The following SNAP23 variants were observed in gnomAD, a reference collection of about 807,000 sequenced individuals.
The protein encoded by SNAP23 is synaptosomal-associated protein 23.
A neutral mutation model predicts 29.0 loss-of-function variants in SNAP23; 11 were observed. The ratio of observed to expected loss-of-function variants is 0.38; its 90% CI spans 0.24 to 0.63. The LOEUF (loss-of-function observed/expected upper bound fraction) is 0.63. Ranked by LOEUF, SNAP23 falls within the 20% of genes least tolerant of loss-of-function variation. The pLI is 0.58. For missense variants in SNAP23, 220 were observed against 253.9 expected (o/e 0.87, Z 0.91); for synonymous variants, 60 against 82.9 (o/e 0.72, Z 1.50).
chr15:42,508,019 G>A (rs1477671328), intron 1 of SNAP23, among the ~76,000 whole-genome samples: 1 of 152,090 alleles, frequency 6.6e-6, no homozygotes, highest in Non-Finnish European at 1.5e-5. Context: ...ACTTTGGGAG[G>A]CTGAGGTGGG....
intron 5 of SNAP23, 119 bp from the exon 6 acceptor site, chr15:42,528,143 C>CCG: frequency 1.6e-6 from 1 of 624,792 alleles, no homozygotes; most frequent in Non-Finnish European, 2.6e-6. Context: ...CTAGACTTAG[C>CCG]TGTATGCAGC....
chr15:42,493,354 C>CTATA (rs934870003), upstream of SNAP23, among the ~76,000 whole-genome samples: 102 of 147,282 alleles, frequency 6.9e-4, 1 homozygote, highest in Middle Eastern at 3.4e-3. Context: ...CTCTCTCTCT[C>CTATA]TATATATATA....
chr15:42,494,925 C>G (rs1324275404), upstream of SNAP23, among the ~76,000 whole-genome samples: 1 of 152,196 alleles, frequency 6.6e-6, no homozygotes, highest in African/African-American at 2.4e-5. Flanking sequence ...GCTTAAAACT[C>G]TTCAATAGCT....
rs924921787 is a variant in SNAP23, at chr15:42,525,225, G to A, written c.267-3037G>A. On this transcript the variant is annotated intron_variant, in intron 5 of 7. Transcript: ENST00000249647. The stretch of plus-strand genomic sequence containing the variant: ...CTACTAAAAATACAAAAAATTAGCC[G>A]GGCGTGGTGGCAGGCGCCTGTAGTC... Among the ~76,000 whole-genome samples, 10 of 151,646 alleles carry A rather than the reference G, an allele frequency of 6.6e-5. No homozygotes were observed. The East Asian group carries it at 1.2e-3, about 18-fold the overall frequency.
chr15:42,496,281 A>G (rs778977548), intron 1 of SNAP23, among the ~76,000 whole-genome samples: 8 of 152,200 alleles, frequency 5.3e-5, no homozygotes, highest in African/African-American at 4.8e-5. Context: ...ATGTTAGGAA[A>G]GGCAGTTGAT....
intron 7 of SNAP23, among the ~76,000 whole-genome samples, chr15:42,531,050 G>A (rs1297912598): frequency 1.3e-5 from 2 of 152,086 alleles, no homozygotes; most frequent in Admixed American, 1.3e-4. Flanking sequence ...CAGTTCAGAG[G>A]ACTCACACAA....
In SNAP23 at chr15:42,525,612, C is replaced by T. The variant is rs1469856920; in HGVS notation, c.267-2650C>T. ...CTGAGTTGCGGGGACTGCATTCGAG[C>T]GCCACCACACCCAGCTAAGTTTTGT... On this transcript the variant is annotated intron_variant, in intron 5 of 7. Coordinates refer to ENST00000249647, the MANE Select transcript of SNAP23 (RefSeq NM_003825.4). Among the ~76,000 whole-genome samples the T allele has an allele frequency of 2.6e-5, 4 of 151,040 alleles. No homozygotes were observed. The East Asian group carries it at 8.0e-4, about 30-fold the overall frequency.
intron 1 of SNAP23, among the ~76,000 whole-genome samples, chr15:42,504,640 G>A (rs2057302905): frequency 6.6e-6 from 1 of 152,144 alleles, no homozygotes; most frequent in Admixed American, 6.5e-5. Flanking sequence ...AGTACTTTGT[G>A]TAGATCATCT....
rs1199419775 is a variant in SNAP23 at position 42,514,674 on chromosome 15, G to A, written c.149-563G>A. On this transcript the variant is annotated intron_variant, in intron 4 of 7. Coordinates refer to ENST00000249647, the MANE Select transcript of SNAP23 (RefSeq NM_003825.4). Reference sequence around the variant, plus strand: ...TTGTAAGGATGATCTCTAAATAACCGTCCCTTGGTCCTACTATACAAGATT... The same window carrying A: ...TTGTAAGGATGATCTCTAAATAACCATCCCTTGGTCCTACTATACAAGATT... Among the ~76,000 whole-genome samples, 5 of 149,784 alleles carry A rather than the reference G, an allele frequency of 3.3e-5. No individual in the cohort carries two copies. In the East Asian group the frequency reaches 5.9e-4, roughly 18 times the overall value.
At chr15:42,493,874 T>C (rs2057193618), upstream of SNAP23, among the ~76,000 whole-genome samples, 1 of 152,084 alleles carries the variant, frequency 6.6e-6, no homozygotes, top group African/African-American at 2.4e-5. Context: ...TTACTAAACA[T>C]ACAGAAACAT....
intron 4 of SNAP23, among the ~76,000 whole-genome samples, chr15:42,514,738 T>C (rs2057384985): frequency 6.7e-6 from 1 of 149,296 alleles, no homozygotes; most frequent in African/African-American, 2.5e-5. Context: ...AGTCCCACTC[T>C]GTCATCCAGG....
At chr15:42,498,903 A>G (rs1237208943) in intron 1 of SNAP23, among the ~76,000 whole-genome samples, 1 of 152,166 alleles carries the variant, frequency 6.6e-6, no homozygotes, top group Admixed American at 6.5e-5. Context: ...AGGTGCTTGT[A>G]GTATGTGTTT....
intron 5 of SNAP23, among the ~76,000 whole-genome samples, chr15:42,523,755 T>C (rs1461766652): frequency 2.6e-5 from 4 of 152,162 alleles, no homozygotes; most frequent in Non-Finnish European, 5.9e-5. Flanking sequence ...ATGCCTAGGA[T>C]TGGGATTTAG....
At chr15:42,509,882 A>T (rs1041508224) in intron 1 of SNAP23, among the ~76,000 whole-genome samples, 1 of 152,092 alleles carries the variant, frequency 6.6e-6, no homozygotes, top group Non-Finnish European at 1.5e-5. Context: ...CAGCCTGGCC[A>T]ACATGGTGAA....
At chr15:42,515,089 C>G (rs888872088) in intron 4 of SNAP23, 148 bp from the exon 5 acceptor site, 1 of 578,314 alleles carries the variant, frequency 1.7e-6, no homozygotes, top group Non-Finnish European at 3.1e-6. Context: ...CATGTTGAAT[C>G]GCTTCTAATA....
chr15:42,493,506 G>A (rs1000685219), upstream of SNAP23, among the ~76,000 whole-genome samples: 12 of 152,108 alleles, frequency 7.9e-5, no homozygotes, highest in Admixed American at 7.9e-4. Context: ...GGACAAAATC[G>A]TCCCTGGTTG....
chr15:42,504,881 T>C (rs1167709747), intron 1 of SNAP23, among the ~76,000 whole-genome samples: 9 of 152,192 alleles, frequency 5.9e-5, no homozygotes, highest in Admixed American at 5.9e-4. Flanking sequence ...GGACGTAGAC[T>C]TCTATCAAGC....
intron 5 of SNAP23, among the ~76,000 whole-genome samples, chr15:42,521,254 GA>G (rs1343552046): frequency 2.6e-5 from 4 of 152,062 alleles, no homozygotes; most frequent in Non-Finnish European, 5.9e-5. Flanking sequence ...AAATATATAA[GA>G]AAATAAAATA....
chr15:42,496,996 TA>T (rs571737624), intron 1 of SNAP23, among the ~76,000 whole-genome samples: 34 of 151,816 alleles, frequency 2.2e-4, no homozygotes, highest in African/African-American at 8.0e-4. Flanking sequence ...AGATTATGAA[TA>T]GCCAAACTGT....
Sources: gnomAD v4.1 joint callset for allele counts (sites outside exome capture counted in the v4.1 genomes callset) on GRCh38, gnomAD v4.1.1 for gene constraint, MANE v1.5 for transcripts, NCBI Gene and HGNC (gene_info 2026-07-23, HGNC 2026-07-21) for gene names.